EPHA6: variants seen among roughly 807,000 people sequenced by gnomAD.
EPHA6 encodes EPH receptor A6.
Under a neutral mutation model 112.0 loss-of-function variants are expected in EPHA6, and 50 were observed. That is an observed-to-expected ratio of 0.45 (90% CI 0.36 to 0.56). The LOEUF is 0.56. Ranked by LOEUF, EPHA6 falls within the 20% of genes least tolerant of loss-of-function variation. EPHA6 has a pLI of 0.00. For synonymous variants in EPHA6, 529 were observed against 490.7 expected (o/e 1.08, Z -1.03); for missense variants, 1,280 against 1,417.4 (o/e 0.90, Z 1.56).
chr3:96,949,119 A>G (rs762380325), intron 2 of EPHA6, among the ~76,000 whole-genome samples: 5 of 152,194 alleles, frequency 3.3e-5, no homozygotes, highest in Non-Finnish European at 5.9e-5. Flanking sequence ...ACATTGCTAC[A>G]GTTTTACAAG....
chr3:96,880,017 G>T (rs940651135), intron 2 of EPHA6, among the ~76,000 whole-genome samples: 1 of 151,868 alleles, frequency 6.6e-6, no homozygotes, highest in African/African-American at 2.4e-5. Context: ...CGCTATTTGG[G>T]TGACCTCTAC....
chr3:97,632,473 A>C, intron 13 of EPHA6, among the ~76,000 whole-genome samples: 1 of 152,000 alleles, frequency 6.6e-6, no homozygotes, highest in East Asian at 1.9e-4. Context: ...TCTTCTCTCT[A>C]TTGCTCTCAA....
At chr3:97,066,141 G>T (rs1299362356) in intron 3 of EPHA6, among the ~76,000 whole-genome samples, 1 of 151,938 alleles carries the variant, frequency 6.6e-6, no homozygotes, top group Non-Finnish European at 1.5e-5. Context: ...CAAGGAGGGG[G>T]TACACCTAGT....
At chr3:97,125,533 A>G (rs1469822080) in intron 3 of EPHA6, among the ~76,000 whole-genome samples, 2 of 152,182 alleles carry the variant, frequency 1.3e-5, no homozygotes, top group Non-Finnish European at 1.5e-5. Flanking sequence ...TTGAGAGGAA[A>G]CATGGAGCTG....
At chr3:97,450,324 T>C (rs1242028465) in intron 7 of EPHA6, among the ~76,000 whole-genome samples, 12 of 152,108 alleles carry the variant, frequency 7.9e-5, no homozygotes, top group Non-Finnish European at 1.5e-5. Flanking sequence ...GTCGAATTAT[T>C]GTCTTTTTTA....
intron 3 of EPHA6, among the ~76,000 whole-genome samples, chr3:97,024,779 G>C (rs542038664): frequency 1.3e-5 from 2 of 152,036 alleles, no homozygotes; most frequent in Non-Finnish European, 2.9e-5. Flanking sequence ...TTACTTCCTG[G>C]ATATTTTTTC....
chr3:96,959,391 T>C (rs2041879193), intron 2 of EPHA6, among the ~76,000 whole-genome samples: 1 of 152,212 alleles, frequency 6.6e-6, no homozygotes, highest in African/African-American at 2.4e-5. Flanking sequence ...AGAATACTTA[T>C]ATATTCTGGA....
intron 3 of EPHA6, among the ~76,000 whole-genome samples, chr3:97,068,900 C>T (rs552825427): frequency 3.3e-5 from 5 of 152,280 alleles, no homozygotes; most frequent in South Asian, 2.1e-4. Context: ...TTTCAGACTT[C>T]CAGCCTCCAG....
intron 3 of EPHA6, among the ~76,000 whole-genome samples, chr3:97,043,965 C>G (rs2045411438): frequency 6.6e-6 from 1 of 152,138 alleles, no homozygotes; most frequent in Non-Finnish European, 1.5e-5. Flanking sequence ...AAATGTTTAG[C>G]AGGGCACTCA....
intron 12 of EPHA6, among the ~76,000 whole-genome samples, chr3:97,603,371 C>T (rs1364045158): frequency 3.3e-5 from 5 of 151,936 alleles, no homozygotes; most frequent in Admixed American, 6.6e-5. Context: ...TCTAACAAAT[C>T]TAGATTAAGA....
intron 5 of EPHA6, among the ~76,000 whole-genome samples, chr3:97,367,631 C>T (rs2084813413): frequency 6.6e-6 from 1 of 151,906 alleles, no homozygotes; most frequent in Non-Finnish European, 1.5e-5. Flanking sequence ...TCCCCTACAA[C>T]TTGCTCACAC....
chr3:97,527,095 G>C (rs1392291029), intron 10 of EPHA6, among the ~76,000 whole-genome samples: 17 of 152,126 alleles, frequency 1.1e-4, no homozygotes, highest in Admixed American at 1.1e-3. Context: ...GATAGCTTTT[G>C]GGTTCACGGA....
At chr3:97,684,799 A>G (rs996958940) in intron 14 of EPHA6, among the ~76,000 whole-genome samples, 1 of 152,204 alleles carries the variant, frequency 6.6e-6, no homozygotes, top group Non-Finnish European at 1.5e-5. Context: ...AATTCTTTCA[A>G]TCATCAGATA....
chr3:97,111,558 A>C (rs1262295555), intron 3 of EPHA6, among the ~76,000 whole-genome samples: 2 of 152,066 alleles, frequency 1.3e-5, no homozygotes, highest in Non-Finnish European at 2.9e-5. Flanking sequence ...GAATCGTTAA[A>C]ATTATATTTT....
intron 10 of EPHA6, among the ~76,000 whole-genome samples, chr3:97,507,853 A>T (rs1043525652): frequency 6.6e-6 from 1 of 152,002 alleles, no homozygotes; most frequent in Non-Finnish European, 1.5e-5. Context: ...TTATTGATCT[A>T]TTCAGGGATT....
rs1427516170 is a variant in EPHA6, at chr3:97,534,186, TG to T, written c.2386+1644del. On this transcript the variant is annotated intron_variant, in intron 11 of 17. Transcript: ENST00000389672. ...ACAGGAATGCTGTAAGAATTAAATT[TG>T]TCAATGTGTAATACATTTAGCACCC... is the stretch of plus-strand genomic sequence containing the variant. Among the ~76,000 whole-genome samples the T allele has an allele frequency of 6.6e-5, 10 of 152,294 alleles. No individual in the cohort carries two copies. In the East Asian group the frequency reaches 1.7e-3, roughly 26 times the overall value.
chr3:97,235,509 G>T (rs1307139697), intron 4 of EPHA6, among the ~76,000 whole-genome samples: 1 of 151,796 alleles, frequency 6.6e-6, no homozygotes, highest in Non-Finnish European at 1.5e-5. Flanking sequence ...GTAAATTCCT[G>T]GCCTTATCCT....
At chr3:97,680,434 C>T (rs1177516962) in intron 14 of EPHA6, among the ~76,000 whole-genome samples, 1 of 152,206 alleles carries the variant, frequency 6.6e-6, no homozygotes, top group African/African-American at 2.4e-5. Flanking sequence ...ATTAGACTCT[C>T]AGTTCCTTGA....
At chr3:97,124,790 T>C (rs1278891819) in intron 3 of EPHA6, among the ~76,000 whole-genome samples, 1 of 152,176 alleles carries the variant, frequency 6.6e-6, no homozygotes, top group African/African-American at 2.4e-5. Flanking sequence ...ATGTGTGCTC[T>C]ACCCTAAGAG....
Sources: allele counts gnomAD v4.1 joint callset (sites outside exome capture counted in the v4.1 genomes callset), GRCh38; gene constraint gnomAD v4.1.1; transcripts MANE v1.5; gene names NCBI Gene and HGNC (gene_info 2026-07-23, HGNC 2026-07-21).